Variants in LEPR observed in about 807,000 individuals in gnomAD.
LEPR encodes the protein leptin receptor, also known as OB receptor.
A neutral mutation model predicts 114.7 loss-of-function variants in LEPR; 56 were observed. The observed-to-expected ratio is 0.49, with a 90% CI of 0.39 to 0.61. The LOEUF (loss-of-function observed/expected upper bound fraction) is 0.61. LEPR is among the 20% of genes least tolerant of loss of function. LEPR has a pLI of 0.00. For synonymous variants in LEPR, 443 were observed against 461.4 expected (o/e 0.96, Z 0.51); for missense variants, 1,202 against 1,352.9 (o/e 0.89, Z 1.75).
At chr1:65,602,261 A>G (rs941624306) in intron 10 of LEPR, among the ~76,000 whole-genome samples, 4 of 152,062 alleles carry the variant, frequency 2.6e-5, no homozygotes, top group African/African-American at 9.6e-5. Flanking sequence ...TAGTTTATAT[A>G]TATTTTAATT....
chr1:65,515,738 A>G (rs1319226810), intron 2 of LEPR, among the ~76,000 whole-genome samples: 3 of 152,240 alleles, frequency 2.0e-5, no homozygotes, highest in Admixed American at 2.0e-4. Context: ...CAACTATATG[A>G]GTAGACTATC....
At chr1:65,424,598 A>G (rs951620325) in intron 1 of LEPR, among the ~76,000 whole-genome samples, 13 of 152,214 alleles carry the variant, frequency 8.5e-5, no homozygotes, top group Admixed American at 7.2e-4. Context: ...TTGGGCTACT[A>G]TAAGAAATAT....
intron 2 of LEPR, among the ~76,000 whole-genome samples, chr1:65,440,957 A>G (rs750362351): frequency 2.0e-5 from 3 of 152,216 alleles, no homozygotes; most frequent in Non-Finnish European, 4.4e-5. Context: ...AAATAAATGC[A>G]TTTTGTTCAG....
intron 2 of LEPR, among the ~76,000 whole-genome samples, chr1:65,538,977 T>C (rs1474795734): frequency 6.6e-6 from 1 of 151,964 alleles, no homozygotes; most frequent in Non-Finnish European, 1.5e-5. Flanking sequence ...CTTTCTATTC[T>C]TTTTTTCTGG....
intron 19 of LEPR, among the ~76,000 whole-genome samples, chr1:65,626,512 T>G (rs1658221990): frequency 6.6e-6 from 1 of 152,202 alleles, no homozygotes; most frequent in Non-Finnish European, 1.5e-5. Context: ...AATTAGGTTT[T>G]GGAATATAAT....
intron 2 of LEPR, among the ~76,000 whole-genome samples, chr1:65,547,115 A>G (rs1407714079): frequency 1.3e-5 from 2 of 151,496 alleles, no homozygotes; most frequent in Admixed American, 1.3e-4. Context: ...ACATTTATTG[A>G]TTTGTGTATA....
At chr1:65,610,319 T>C in intron 14 of LEPR, 23 bp downstream of exon 14, 1 of 1,561,080 alleles carries the variant, frequency 6.4e-7, no homozygotes, top group Non-Finnish European at 8.8e-7. Flanking sequence ...TTAATATTAA[T>C]CTTAAATTGT....
At chr1:65,522,579 T>C (rs1228327150) in intron 2 of LEPR, among the ~76,000 whole-genome samples, 1 of 152,172 alleles carries the variant, frequency 6.6e-6, no homozygotes, top group Non-Finnish European at 1.5e-5. Context: ...TTCAAATCAT[T>C]ATTCGTAAAG....
At chr1:65,525,083 C>T (rs1163446819) in intron 2 of LEPR, among the ~76,000 whole-genome samples, 3 of 152,202 alleles carry the variant, frequency 2.0e-5, no homozygotes, top group African/African-American at 4.8e-5. Context: ...CCACCAGATG[C>T]GCGAATGCCC....
At chr1:65,481,226 T>C (rs1647228031) in intron 2 of LEPR, among the ~76,000 whole-genome samples, 1 of 152,174 alleles carries the variant, frequency 6.6e-6, no homozygotes, top group South Asian at 2.1e-4. Flanking sequence ...CATTTTAACA[T>C]AATCACCTCT....
At chr1:65,459,433 G>C (rs978492635) in intron 2 of LEPR, among the ~76,000 whole-genome samples, 1 of 152,194 alleles carries the variant, frequency 6.6e-6, no homozygotes, top group Non-Finnish European at 1.5e-5. Context: ...ACCCTTAGGA[G>C]TGCCAGCAAA....
rs1656478224 is a variant in LEPR, at chr1:65,602,079, T to A, written c.1403+119T>A. On this transcript the variant is annotated intron_variant, in intron 10 of 19. Coordinates refer to ENST00000349533, the MANE Select transcript of LEPR (RefSeq NM_002303.6). ...TGCTTCCTGAAAGAGGAAAGTATAATATAATGAATCAGGAAATTTTTGAGG... is the reference window on the plus strand; with the variant it reads ...TGCTTCCTGAAAGAGGAAAGTATAAAATAATGAATCAGGAAATTTTTGAGG... The A allele has an allele frequency of 3.2e-5, 30 of 923,358 alleles. No individual in the cohort carries two copies. The South Asian group carries it at 4.1e-4, about 13-fold the overall frequency. The allele number at this position is 923,358 out of a possible 1,614,324, so 57.2% of individuals were successfully genotyped here.
At chr1:65,541,247 C>A (rs1036093967) in intron 2 of LEPR, among the ~76,000 whole-genome samples, 1 of 152,176 alleles carries the variant, frequency 6.6e-6, no homozygotes, top group Non-Finnish European at 1.5e-5. Flanking sequence ...TCTAGCATCA[C>A]ATGTGGTAGC....
At position 65,633,226 on chromosome 1, in the gene LEPR, A is replaced by T. The variant is rs1215273847; in HGVS notation, c.2674-2965A>T. The stretch of plus-strand genomic sequence containing the variant: ...ATGTGCCAACTTCCCAACAGTCTAT[A>T]GAGTATTAGAAGATTTTTACATTTT... On this transcript the variant is annotated intron_variant, in intron 19 of 19. Transcript: ENST00000349533. The surrounding 1 kb of genome is among the most constrained non-coding windows in gnomAD (Gnocchi z 4.1). The T allele has an allele frequency of 1.6e-5, 26 of 1,601,354 alleles. No homozygotes were observed. Among genetic ancestry groups the T allele is most frequent in the African/African-American group, 2.7e-5 (2 of 74,486 alleles).
intron 15 of LEPR, among the ~76,000 whole-genome samples, chr1:65,617,631 T>C (rs1657611641): frequency 6.6e-6 from 1 of 152,204 alleles, no homozygotes; most frequent in Admixed American, 6.5e-5. Context: ...ATGAACAGAT[T>C]TGTGCTTTGA....
chr1:65,426,724 CACCA>C (rs1646380192), intron 2 of LEPR, among the ~76,000 whole-genome samples: 2 of 152,160 alleles, frequency 1.3e-5, no homozygotes, highest in Non-Finnish European at 2.9e-5. Flanking sequence ...TTAGGCCAGG[CACCA>C]TGGCTCACGC....
intron 5 of LEPR, 124 bp from the exon 6 acceptor site, chr1:65,592,532 TC>T (rs1655776107): frequency 2.1e-6 from 2 of 962,706 alleles, no homozygotes; most frequent in Non-Finnish European, 3.0e-6. Context: ...TTTTTTTTTT[TC>T]AGATACCCTT....
chr1:65,557,213 C>T, intron 2 of LEPR, among the ~76,000 whole-genome samples: 1 of 152,096 alleles, frequency 6.6e-6, no homozygotes, highest in East Asian at 1.9e-4. Context: ...TTGTACTCTT[C>T]TCCTAAACTG....
In LEPR at chr1:65,425,389, A is replaced by G. The variant is rs751332691; in HGVS notation, c.-21+11A>G. On this transcript the variant is annotated intron_variant, in intron 2 of 19. Transcript: ENST00000349533. Reference sequence around the variant, plus strand: ...CTTAGAGGATTATGGGTAAGTTATCATTTCAAAAAGAACTATTCCTCTTTC... The same window carrying G: ...CTTAGAGGATTATGGGTAAGTTATCGTTTCAAAAAGAACTATTCCTCTTTC... 2.5e-6 allele frequency: 4 copies of G among 1,589,370 alleles called. No individual in the cohort carries two copies. Among genetic ancestry groups the G allele is most frequent in the Non-Finnish European group, 3.4e-6 (4 of 1,171,562 alleles).
Sources: gnomAD v4.1 joint callset for allele counts (sites outside exome capture counted in the v4.1 genomes callset) on GRCh38, gnomAD v4.1.1 for gene constraint, Gnocchi (gnomAD v3.1) non-coding constraint, MANE v1.5 for transcripts, NCBI Gene and HGNC (gene_info 2026-07-23, HGNC 2026-07-21) for gene names.